The following KDM4C variants were observed in gnomAD, a reference collection of about 807,000 sequenced individuals.
KDM4C encodes the protein lysine demethylase 4C, also known as lysine-specific demethylase 4C.
KDM4C carries 81 observed loss-of-function variants against 129.3 expected under a neutral mutation model. The observed-to-expected ratio is 0.63, with a 90% CI of 0.52 to 0.75. The LOEUF is 0.75. KDM4C is among the 30% of genes least tolerant of loss of function. KDM4C has a pLI of 0.00. For missense variants in KDM4C, 1,457 were observed against 1,304.0 expected, an observed-to-expected ratio of 1.12 and a Z score of -1.81; for synonymous variants, 573 against 456.1, an observed-to-expected ratio of 1.26 and a Z score of -3.26.
intron 4 of KDM4C, among the ~76,000 whole-genome samples, chr9:6,848,934 A>G (rs1224100623): frequency 6.6e-6 from 1 of 152,260 alleles, no homozygotes; most frequent in Non-Finnish European, 1.5e-5. Context: ...ATCAGTGGAT[A>G]CTGCCAAGAG....
intron 1 of KDM4C, among the ~76,000 whole-genome samples, chr9:6,762,064 C>G (rs1329223182): frequency 1.1e-4 from 17 of 152,026 alleles, no homozygotes; most frequent in Admixed American, 1.1e-3. Flanking sequence ...TCCCAAAGTG[C>G]TGGGATTACA....
chr9:6,861,778 C>T (rs28637194), intron 5 of KDM4C, among the ~76,000 whole-genome samples: 54,133 of 147,696 alleles, frequency 0.37, 10,766 homozygotes, highest in Middle Eastern at 0.55. Context: ...TTCTTTCTTT[C>T]TTTTTTTTTT....
chr9:6,899,404 G>A (rs1417293), intron 8 of KDM4C, among the ~76,000 whole-genome samples: 75,951 of 151,800 alleles, frequency 0.5, 19,138 homozygotes, highest in Middle Eastern at 0.61. Context: ...ACCAAAGTCC[G>A]TAGTTTACAT....
At chr9:7,019,136 G>A (rs1010551539) in intron 15 of KDM4C, among the ~76,000 whole-genome samples, 1 of 152,290 alleles carries the variant, frequency 6.6e-6, no homozygotes, top group East Asian at 1.9e-4. Context: ...GTAACTGACA[G>A]TATTGATATT....
Position 6,838,875 on chromosome 9 carries a change from C to G in KDM4C, c.436-10632C>G, listed in dbSNP as rs141332401. Among the ~76,000 whole-genome samples the G allele has an allele frequency of 1.1e-4, 16 of 152,254 alleles. No individual in the cohort carries two copies. In the East Asian group the frequency reaches 3.1e-3, roughly 29 times the overall value. On this transcript the variant is annotated intron_variant, in intron 4 of 21. Transcript: ENST00000381309. The stretch of plus-strand genomic sequence containing the variant: ...GTAAAGATCCAGGGAAATCCTCAGT[C>G]TATATTAAAGTGTAGACCAGAACTT...
intron 12 of KDM4C, among the ~76,000 whole-genome samples, chr9:7,010,535 G>A (rs1822497690): frequency 6.6e-6 from 1 of 152,198 alleles, no homozygotes; most frequent in East Asian, 1.9e-4. Flanking sequence ...TTGCTCTACA[G>A]TATTTATTGA....
chr9:6,973,115 G>C (rs1293787244), intron 8 of KDM4C, among the ~76,000 whole-genome samples: 2 of 152,152 alleles, frequency 1.3e-5, no homozygotes, highest in African/African-American at 4.8e-5. Flanking sequence ...GAGAAGTTTG[G>C]CTGAAAAAGT....
intron 5 of KDM4C, among the ~76,000 whole-genome samples, chr9:6,858,352 C>T (rs1177974226): frequency 6.6e-6 from 1 of 152,034 alleles, no homozygotes; most frequent in Non-Finnish European, 1.5e-5. Context: ...ACCACCACCA[C>T]CACCACGACC....
At chr9:7,120,011 A>T (rs1173885402) in intron 18 of KDM4C, among the ~76,000 whole-genome samples, 1 of 152,182 alleles carries the variant, frequency 6.6e-6, no homozygotes, top group Non-Finnish European at 1.5e-5. Context: ...CCTTATTTTT[A>T]GTGAGCCATT....
intron 19 of KDM4C, among the ~76,000 whole-genome samples, chr9:7,164,463 A>G (rs1363094130): frequency 6.6e-6 from 1 of 152,076 alleles, no homozygotes; most frequent in Non-Finnish European, 1.5e-5. Flanking sequence ...GATTCTGGTT[A>G]TGGGTGCCAC....
chr9:7,073,346 T>G (rs1440435185), intron 17 of KDM4C, among the ~76,000 whole-genome samples: 1 of 152,266 alleles, frequency 6.6e-6, no homozygotes, highest in African/African-American at 2.4e-5. Flanking sequence ...TGGTTGGCAC[T>G]GAGTAAGTTT....
intron 19 of KDM4C, among the ~76,000 whole-genome samples, chr9:7,164,573 T>G (rs987138208): frequency 6.6e-6 from 1 of 152,132 alleles, no homozygotes; most frequent in Non-Finnish European, 1.5e-5. Flanking sequence ...AGAAGGGCCG[T>G]GCTAAACAGG....
intron 4 of KDM4C, among the ~76,000 whole-genome samples, chr9:6,837,795 T>G (rs1245123847): frequency 6.6e-6 from 1 of 152,232 alleles, no homozygotes; most frequent in Non-Finnish European, 1.5e-5. Flanking sequence ...TTGTTTGTCT[T>G]ATTTACAATG....
At chr9:6,748,756 G>A (rs111265054) in intron 1 of KDM4C, 123,800 of 1,467,520 alleles carry the variant, frequency 0.084, 6,121 homozygotes, top group Non-Finnish European at 0.1. Flanking sequence ...AGCATGATCC[G>A]ACCCAGTTGT....
chr9:7,106,266 A>G (rs997950102), intron 18 of KDM4C, among the ~76,000 whole-genome samples: 1 of 152,204 alleles, frequency 6.6e-6, no homozygotes, highest in African/African-American at 2.4e-5. Context: ...AAAAGTTCAG[A>G]TTCAATCAAA....
In KDM4C at chr9:6,841,907, A is replaced by G. The variant is rs146087239; in HGVS notation, c.436-7600A>G. Among the ~76,000 whole-genome samples the G allele has an allele frequency of 8.2e-3, 1,244 of 152,270 alleles. 10 individuals are homozygous for G. The highest frequency in any genetic ancestry group is 0.014 in the Middle Eastern group (4 of 294). ...ACAGTTTTGTTCAGGGCTGTGCTAG[A>G]TCCTACTTATCCTGGAGCTGGTTAT... On this transcript the variant is annotated intron_variant, in intron 4 of 21. Transcript: ENST00000381309.
chr9:6,847,309 G>T (rs779734471), intron 4 of KDM4C, among the ~76,000 whole-genome samples: 4 of 152,170 alleles, frequency 2.6e-5, no homozygotes, highest in Non-Finnish European at 5.9e-5. Flanking sequence ...TTAAGAGATT[G>T]CATCGCTATA....
chr9:6,871,692 C>G (rs548348476), intron 5 of KDM4C, among the ~76,000 whole-genome samples: 2 of 152,300 alleles, frequency 1.3e-5, no homozygotes, highest in East Asian at 3.9e-4. Context: ...CATTCTTATC[C>G]TCAAAGAATT....
intron 15 of KDM4C, among the ~76,000 whole-genome samples, chr9:7,021,061 G>T (rs1824738185): frequency 6.6e-6 from 1 of 151,758 alleles, no homozygotes; most frequent in South Asian, 2.1e-4. Context: ...TTTGTGAAGA[G>T]TGTCAATGGT....
Sources: allele counts gnomAD v4.1 joint callset (sites outside exome capture counted in the v4.1 genomes callset), GRCh38; gene constraint gnomAD v4.1.1; transcripts MANE v1.5; gene names NCBI Gene and HGNC (gene_info 2026-07-23, HGNC 2026-07-21).